Variants in ARV1 observed in about 807,000 individuals in gnomAD.
ARV1 encodes protein ARV1.
Under a neutral mutation model 31.1 loss-of-function variants are expected in ARV1, and 26 were observed. The observed-to-expected ratio is 0.84, with a 90% CI of 0.61 to 1.16. ARV1 has a LOEUF of 1.16. Ranked by LOEUF, ARV1 falls within the 50% of genes most tolerant of loss-of-function variation. The pLI is 0.00. For synonymous variants in ARV1, 117 were observed against 123.2 expected (o/e 0.95, Z 0.34); for missense variants, 281 against 324.9 (o/e 0.86, Z 1.04).
intron 3 of ARV1, among the ~76,000 whole-genome samples, chr1:230,990,999 G>T (rs180714813): frequency 9.1e-4 from 139 of 152,278 alleles, no homozygotes; most frequent in Non-Finnish European, 1.6e-3. Flanking sequence ...CTAATGCAGT[G>T]TATTTAATAG....
At chr1:230,986,250 A>G (rs1299789727) in intron 1 of ARV1, among the ~76,000 whole-genome samples, 3 of 152,120 alleles carry the variant, frequency 2.0e-5, no homozygotes, top group African/African-American at 7.2e-5. Context: ...AGTTTGAGGT[A>G]ACAGCACGTC....
chr1:230,979,442 G>A, intron 1 of ARV1, 163 bp downstream of exon 1: 8 of 805,956 alleles, frequency 9.9e-6, no homozygotes, highest in Non-Finnish European at 1.5e-5. Flanking sequence ...TCAGCTACCC[G>A]ACAGCGCTTT....
intron 3 of ARV1, among the ~76,000 whole-genome samples, chr1:230,994,832 C>T (rs547614130): frequency 5.3e-4 from 81 of 152,310 alleles, no homozygotes; most frequent in African/African-American, 1.9e-3. Flanking sequence ...GCATGAGCCA[C>T]CATGCCCAGC....
intron 3 of ARV1, among the ~76,000 whole-genome samples, 164 bp downstream of exon 3, chr1:230,990,427 G>A (rs1376080403): frequency 1.3e-5 from 2 of 152,224 alleles, no homozygotes; most frequent in African/African-American, 4.8e-5. Context: ...AGGTGAGTGT[G>A]TTTGAATCAC....
chr1:230,992,067 C>T lies in ARV1; in HGVS notation c.448+1804C>T, dbSNP rs372889926. ...CCAGTTCTCCAACTGTGTATTTGCA[C>T]GCAACACAGAGTAGTCCTTTTCAAC... On this transcript the variant is annotated intron_variant, in intron 3 of 5. Coordinates refer to ENST00000310256, the MANE Select transcript of ARV1 (RefSeq NM_022786.3). Among the ~76,000 whole-genome samples the T allele has an allele frequency of 1.1e-4, 17 of 152,296 alleles. No homozygotes were observed. In the East Asian group the frequency reaches 2.7e-3, roughly 24 times the overall value.
chr1:230,998,661 T>C (rs907874760), intron 5 of ARV1, among the ~76,000 whole-genome samples: 1 of 151,934 alleles, frequency 6.6e-6, no homozygotes, highest in Admixed American at 6.6e-5. Flanking sequence ...ATCCCAGCAC[T>C]TTGGGAGGCC....
chr1:230,983,055 G>A (rs1299641188), intron 1 of ARV1, among the ~76,000 whole-genome samples: 1 of 151,926 alleles, frequency 6.6e-6, no homozygotes, highest in African/African-American at 2.4e-5. Flanking sequence ...TATATCATGT[G>A]TCCCTTGCTT....
intron 1 of ARV1, chr1:230,979,664 C>T (rs769124088): frequency 2.2e-4 from 52 of 234,184 alleles, no homozygotes; most frequent in Non-Finnish European, 3.7e-4. Flanking sequence ...TTGAATTCAC[C>T]TACGATGCTT....
chr1:230,990,022 G>C, intron 2 of ARV1, 88 bp from the exon 3 acceptor site: 1 of 1,341,508 alleles, frequency 7.5e-7, no homozygotes, highest in Non-Finnish European at 1.0e-6. Flanking sequence ...AAGTGACTAG[G>C]TGGGATGCCA....
At chr1:230,992,333 G>A (rs968191373) in intron 3 of ARV1, among the ~76,000 whole-genome samples, 7 of 151,926 alleles carry the variant, frequency 4.6e-5, no homozygotes, top group African/African-American at 1.7e-4. Flanking sequence ...TCCTGTGCCC[G>A]GAATGCCTGT....
At chr1:230,980,595 A>G (rs12145165) in intron 1 of ARV1, among the ~76,000 whole-genome samples, 15,211 of 152,080 alleles carry the variant, frequency 0.1, 797 homozygotes, top group South Asian at 0.17. Flanking sequence ...CGGCCTCCCA[A>G]AGTGCTGGGG....
intron 1 of ARV1, among the ~76,000 whole-genome samples, chr1:230,982,581 A>T: frequency 6.6e-6 from 1 of 152,164 alleles, no homozygotes; most frequent in East Asian, 1.9e-4. Context: ...TTGGAGTTAT[A>T]TTTGGAATAT....
chr1:230,997,667 G>A (rs113822266), intron 5 of ARV1, among the ~76,000 whole-genome samples: 6,446 of 151,908 alleles, frequency 0.042, 380 homozygotes, highest in African/African-American at 0.13. Context: ...TCTCATTTTC[G>A]CTACTTCTGA....
intron 1 of ARV1, among the ~76,000 whole-genome samples, chr1:230,979,747 C>G (rs1309453287): frequency 6.6e-6 from 1 of 152,106 alleles, no homozygotes; most frequent in African/African-American, 2.4e-5. Context: ...GTTGGTGGTA[C>G]AAAACCCAAA....
intron 1 of ARV1, among the ~76,000 whole-genome samples, chr1:230,985,717 G>A (rs1679047247): frequency 6.6e-6 from 1 of 152,094 alleles, no homozygotes; most frequent in South Asian, 2.1e-4. Flanking sequence ...ACATGAAGCA[G>A]CCTCTCTGGT....
At chr1:230,990,042 T>C (rs1679185774) in intron 2 of ARV1, 68 bp from the exon 3 acceptor site, 1 of 1,465,032 alleles carries the variant, frequency 6.8e-7, no homozygotes. Context: ...ACAAATACTC[T>C]GTACCTGTTG....
Position 230,981,058 on chromosome 1 carries a change from T to C in ARV1, c.174+1779T>C, listed in dbSNP as rs900835243. On this transcript the variant is annotated intron_variant, in intron 1 of 5. Transcript: ENST00000310256. ...ACTTCCTCCTCCTTGAAATGCTGTGTGCGCTTCCCAGGATTCAGTGCTCTT... is the reference window on the plus strand; with the variant it reads ...ACTTCCTCCTCCTTGAAATGCTGTGCGCGCTTCCCAGGATTCAGTGCTCTT... Among the ~76,000 whole-genome samples, 10 of 152,314 alleles carry C rather than the reference T, an allele frequency of 6.6e-5. No individual in the cohort carries two copies. The East Asian group carries it at 1.2e-3, about 18-fold the overall frequency.
intron 3 of ARV1, among the ~76,000 whole-genome samples, chr1:230,995,176 T>C: frequency 6.6e-6 from 1 of 152,222 alleles, no homozygotes; most frequent in East Asian, 1.9e-4. Context: ...ACAGTGGAAC[T>C]ATTGCTGCTG....
intron 1 of ARV1, among the ~76,000 whole-genome samples, chr1:230,981,212 T>C (rs12098199): frequency 0.32 from 49,037 of 152,020 alleles, 8,212 homozygotes; most frequent in Middle Eastern, 0.57. Flanking sequence ...TCTGCATGCT[T>C]TCCCTTGAAG....
Sources: gnomAD v4.1 joint callset for allele counts (sites outside exome capture counted in the v4.1 genomes callset) on GRCh38, gnomAD v4.1.1 for gene constraint, MANE v1.5 for transcripts, NCBI Gene and HGNC (gene_info 2026-07-23, HGNC 2026-07-21) for gene names.